Variants in R3HCC1 observed in about 807,000 individuals in gnomAD.
R3HCC1 encodes R3H domain and coiled-coil containing 1.
A neutral mutation model predicts 40.0 loss-of-function variants in R3HCC1; 32 were observed. The ratio of observed to expected loss-of-function variants is 0.80; its 90% CI spans 0.60 to 1.07. R3HCC1 has a LOEUF of 1.07. Ranked by LOEUF, R3HCC1 falls within the 50% of genes least tolerant of loss-of-function variation. The pLI is 0.00. For missense variants in R3HCC1, 586 were observed against 563.3 expected, an observed-to-expected ratio of 1.04 and a Z score of -0.41; for synonymous variants, 237 against 232.8, an observed-to-expected ratio of 1.02 and a Z score of -0.17.
At chr8:23,288,430 G>A (rs2117117746) in intron 1 of R3HCC1, 76 bp from the exon 2 acceptor site, 2 of 1,514,424 alleles carry the variant, frequency 1.3e-6, no homozygotes, top group South Asian at 1.2e-5. Context: ...AGGCCCTTTC[G>A]GTGCCGGCGT....
Position 23,289,763 on chromosome 8 carries a change from A to G in R3HCC1, c.249-103A>G, listed in dbSNP as rs897354228. 2.8e-6 allele frequency: 4 copies of G among 1,413,248 alleles called. No homozygotes were observed. In the African/African-American group the frequency reaches 5.8e-5, roughly 20 times the overall value. 87.5% of individuals were successfully genotyped at this position (1,413,248 alleles called of 1,614,324 possible). Reference sequence around the variant, plus strand: ...GTCATTTTGGCTGTGGTTTTTGCCTAATGCTGACCCGAATGTCTCTCCTGA... The same window carrying G: ...GTCATTTTGGCTGTGGTTTTTGCCTGATGCTGACCCGAATGTCTCTCCTGA... On this transcript the variant is annotated intron_variant, in intron 3 of 7. Transcript: ENST00000265806.
intron 5 of R3HCC1, among the ~76,000 whole-genome samples, chr8:23,292,327 G>A (rs1331036262): frequency 6.6e-6 from 1 of 152,102 alleles, no homozygotes; most frequent in Non-Finnish European, 1.5e-5. Context: ...TTCTGTGGCT[G>A]GGCACGGTGG....
chr8:23,292,511 G>T (rs1246610357), intron 5 of R3HCC1, among the ~76,000 whole-genome samples: 1 of 152,216 alleles, frequency 6.6e-6, no homozygotes, highest in Non-Finnish European at 1.5e-5. Context: ...CTACTCGGGA[G>T]GCTGAGGCAG....
At chr8:23,290,730 A>C (rs1050639881) in intron 4 of R3HCC1, among the ~76,000 whole-genome samples, 2 of 152,180 alleles carry the variant, frequency 1.3e-5, no homozygotes, top group Admixed American at 6.5e-5. Flanking sequence ...CTGAAACTAA[A>C]ACCAGTTGAT....
chr8:23,290,366 TG>T lies in R3HCC1; in HGVS notation c.751del (p.Glu251ArgfsTer39). ...CTGGAAAAGGGGAAGGAGAGTCTGTTGGAGAAGAGGCTGGTGGCAGAGGAGG... is the reference window on the plus strand; with the variant it reads ...CTGGAAAAGGGGAAGGAGAGTCTGTTGAGAAGAGGCTGGTGGCAGAGGAGG... On this transcript the variant is annotated frameshift_variant, in exon 4 of 8. Coordinates refer to ENST00000265806, the MANE Select transcript of R3HCC1 (RefSeq NM_001136108.3). LOFTEE classifies it high-confidence loss of function. 1 of 1,551,754 alleles carries T rather than the reference TG, an allele frequency of 6.4e-7. No individual in the cohort carries two copies. Among genetic ancestry groups the T allele is most frequent in the Non-Finnish European group, 8.7e-7 (1 of 1,147,002 alleles).
intron 7 of R3HCC1, among the ~76,000 whole-genome samples, chr8:23,295,276 T>C (rs779398160): frequency 6.6e-6 from 1 of 152,072 alleles, no homozygotes; most frequent in Admixed American, 6.5e-5. Context: ...GTTACTTCAG[T>C]TGGTCTCAGT....
chr8:23,294,072 TGGGG>T (rs1802935021), intron 6 of R3HCC1, among the ~76,000 whole-genome samples: 1 of 152,136 alleles, frequency 6.6e-6, no homozygotes, highest in African/African-American at 2.4e-5. Flanking sequence ...CCATTGCTGC[TGGGG>T]CCCAGTCCTC....
rs558948619 is a variant in R3HCC1, at chr8:23,288,172, A to C, written c.-19+15A>C. ...GAGAGGCCGCGGTGAGTGCAGCAGCACTGGGGGGGTGGTCGTCCCGACCCC... is the reference window on the plus strand; with the variant it reads ...GAGAGGCCGCGGTGAGTGCAGCAGCCCTGGGGGGGTGGTCGTCCCGACCCC... On this transcript the variant is annotated intron_variant, in intron 1 of 7. Coordinates refer to ENST00000265806, the MANE Select transcript of R3HCC1 (RefSeq NM_001136108.3). The C allele has an allele frequency of 7.4e-6, 9 of 1,214,602 alleles. No homozygotes were observed. The highest frequency in any genetic ancestry group is 8.3e-6 in the Non-Finnish European group (8 of 958,938). The allele number at this position is 1,214,602 out of a possible 1,614,324, so 75.2% of individuals were successfully genotyped here.
rs13530 is a variant in R3HCC1, at chr8:23,293,365, T to G, written c.1088T>G (p.Leu363Arg). Residue 363 changes from leucine to arginine, a missense_variant, in exon 6 of 8, where the codon CTG becomes CGG. By Grantham distance (102) the Leu-to-Arg change is moderately radical. Transcript: ENST00000265806. ...CACGCACTCGGCATCTTTCCCTGCC[T>G]GGCCTCAGGTAAGGCACCCCCAGTG... 871,292 of 1,549,160 alleles carry G rather than the reference T, an allele frequency of 0.56. 247,776 individuals carry two copies. The highest frequency in any genetic ancestry group is 0.79 in the East Asian group (32,176 of 40,854).
intron 6 of R3HCC1, among the ~76,000 whole-genome samples, chr8:23,294,561 C>T (rs551609975): frequency 1.1e-4 from 16 of 152,178 alleles, no homozygotes; most frequent in African/African-American, 3.9e-4. Flanking sequence ...GTCCTCTGAG[C>T]GCAGGTGTCC....
In R3HCC1 at chr8:23,291,517, A is replaced by G. The variant is rs1260590789; in HGVS notation, c.1009A>G (p.Thr337Ala). The G allele has an allele frequency of 4.5e-6, 7 of 1,550,834 alleles. No individual in the cohort carries two copies. Among genetic ancestry groups the G allele is most frequent in the Admixed American group, 2.0e-5 (1 of 50,978 alleles). Residue 337 changes from threonine (T) to alanine (A), a missense_variant, in exon 5 of 8, where the codon ACG becomes GCG. Thr to Ala is a moderately conservative substitution (Grantham distance 58). Transcript: ENST00000265806. The stretch of plus-strand genomic sequence containing the variant: ...GCTCAAGACGGAGGACCTGCTGGCA[A>G]CGTTTTCTGAGTTCCAGTGAGTGGT...
intron 5 of R3HCC1, among the ~76,000 whole-genome samples, chr8:23,292,340 C>T (rs139589834): frequency 6.6e-6 from 1 of 152,112 alleles, no homozygotes; most frequent in Non-Finnish European, 1.5e-5. Flanking sequence ...CACGGTGGCT[C>T]ACGCCTGTAA....
At chr8:23,289,832 A>G (rs550990561) in intron 3 of R3HCC1, 34 bp from the exon 4 acceptor site, 396 of 1,468,396 alleles carry the variant, frequency 2.7e-4, no homozygotes, top group Non-Finnish European at 3.4e-4. Context: ...GGGCCCCTAC[A>G]CACTCTGATT....
Position 23,288,584 on chromosome 8 carries a change from C to G in R3HCC1, c.61C>G (p.Arg21Gly), listed in dbSNP as rs1802791027. The change falls in exon 2 of 8, where the codon CGG becomes GGG. Residue 21 changes from arginine (R) to glycine (G), a missense_variant. Transcript: ENST00000265806. ...CTCAGCCGAGAATGACTTCGTCCACCGGATCCAGGAGGAACTGGACCGCTT... is the reference window on the plus strand; with the variant it reads ...CTCAGCCGAGAATGACTTCGTCCACGGGATCCAGGAGGAACTGGACCGCTT... 8 of 1,536,002 alleles carry G rather than the reference C, an allele frequency of 5.2e-6. No individual in the cohort carries two copies. In the East Asian group the frequency reaches 1.7e-4, roughly 33 times the overall value.
At chr8:23,288,658 T>A (rs994799682) in intron 2 of R3HCC1, 25 bp downstream of exon 2, 4 of 1,533,442 alleles carry the variant, frequency 2.6e-6, no homozygotes, top group Non-Finnish European at 2.6e-6. Context: ...GGGGCGAGGG[T>A]GCCGCCTTGC....
At chr8:23,293,768 C>T (rs945032039) in intron 6 of R3HCC1, among the ~76,000 whole-genome samples, 32 of 152,176 alleles carry the variant, frequency 2.1e-4, no homozygotes, top group Non-Finnish European at 3.8e-4. Flanking sequence ...ACTCGATTTT[C>T]GCTTCAGCCT....
chr8:23,296,056 A>T lies in R3HCC1; in HGVS notation c.1282A>T (p.Lys428Ter). ...CCGGGCCCTGGGACTCCAACACAAA[A>T]AGAAAGAGCGGCCTGCTGTCCGGGG... The change falls in exon 8 of 8, where the codon AAG becomes TAG. Residue 428 changes from lysine to a stop codon, truncating the protein, a stop_gained. Transcript: ENST00000265806. LOFTEE classifies it high-confidence loss of function. The T allele has an allele frequency of 1.9e-6, 3 of 1,550,622 alleles. No individual in the cohort carries two copies. Among genetic ancestry groups the T allele is most frequent in the East Asian group, 4.9e-5 (2 of 40,902 alleles).
chr8:23,296,233 G>T lies in R3HCC1; in HGVS notation c.*136G>T. ...ATGGGGTGTGGTGGGCTTTAGTTTA[G>T]TCCCAGAAATGGAGAAAAAATAAAA... On this transcript the variant is annotated 3_prime_UTR_variant, in exon 8 of 8. Transcript: ENST00000265806. 1 of 1,057,346 alleles carries T rather than the reference G, an allele frequency of 9.5e-7. No homozygotes were observed. 65.5% of individuals were successfully genotyped at this position (1,057,346 alleles called of 1,614,324 possible). A position where few individuals can be genotyped will look rare whatever the true frequency, so the allele number is the denominator to read the frequency against.
intron 3 of R3HCC1, 21 bp from the exon 4 acceptor site, chr8:23,289,845 C>G (rs750659525): frequency 2.0e-6 from 3 of 1,480,776 alleles, no homozygotes; most frequent in Non-Finnish European, 1.8e-6. Context: ...CTCTGATTAC[C>G]TCCTCCCATT....
Sources: allele counts gnomAD v4.1 joint callset (sites outside exome capture counted in the v4.1 genomes callset), GRCh38; gene constraint gnomAD v4.1.1; transcripts MANE v1.5; gene names NCBI Gene and HGNC (gene_info 2026-07-23, HGNC 2026-07-21).